PARD3: variants seen among roughly 807,000 people sequenced by gnomAD.
PARD3 encodes par-3 family cell polarity regulator, also known as partitioning defective 3 homolog.
A neutral mutation model predicts 155.4 loss-of-function variants in PARD3; 75 were observed. That is an observed-to-expected ratio of 0.48 (90% CI 0.40 to 0.58). The LOEUF is 0.58. PARD3 is among the 20% of genes least tolerant of loss of function. PARD3 has a pLI of 0.00. For synonymous variants in PARD3, 576 were observed against 610.5 expected (o/e 0.94, Z 0.83); for missense variants, 1,642 against 1,721.7 (o/e 0.95, Z 0.82).
At chr10:34,275,246 T>A (rs956734419) in intron 21 of PARD3, among the ~76,000 whole-genome samples, 1 of 152,188 alleles carries the variant, frequency 6.6e-6, no homozygotes, top group Non-Finnish European at 1.5e-5. Flanking sequence ...CCAATAATGT[T>A]GTCCCCAAAG....
intron 2 of PARD3, among the ~76,000 whole-genome samples, chr10:34,688,742 T>C (rs1374216935): frequency 2.0e-5 from 3 of 152,212 alleles, no homozygotes; most frequent in Non-Finnish European, 2.9e-5. Context: ...TCCTCAGTGC[T>C]GTGCCCTGAA....
chr10:34,162,117 C>A (rs201901034), intron 22 of PARD3, among the ~76,000 whole-genome samples: 1 of 152,252 alleles, frequency 6.6e-6, no homozygotes, highest in Non-Finnish European at 1.5e-5. Flanking sequence ...GACCCACCCC[C>A]CAAGTATTTA....
chr10:34,778,149 A>C (rs60443055), intron 1 of PARD3, among the ~76,000 whole-genome samples: 1 of 152,216 alleles, frequency 6.6e-6, no homozygotes, highest in Non-Finnish European at 1.5e-5. Flanking sequence ...ACTCTAAATC[A>C]GCTCTAAATC....
chr10:34,305,087 G>C (rs898514060), intron 20 of PARD3, among the ~76,000 whole-genome samples: 18 of 152,168 alleles, frequency 1.2e-4, no homozygotes, highest in Admixed American at 3.9e-4. Flanking sequence ...TGTATGAGCA[G>C]AGACTGTAAA....
chr10:34,701,043 A>G (rs562580100), intron 1 of PARD3, among the ~76,000 whole-genome samples: 174 of 152,174 alleles, frequency 1.1e-3, no homozygotes, highest in Non-Finnish European at 2.2e-3. Flanking sequence ...TGTTCAAAGA[A>G]AACTACACCA....
At chr10:34,785,397 A>G (rs912699225) in intron 1 of PARD3, among the ~76,000 whole-genome samples, 2 of 152,242 alleles carry the variant, frequency 1.3e-5, no homozygotes, top group African/African-American at 4.8e-5. Context: ...CTCTTGAAGT[A>G]CAGAATAATC....
intron 14 of PARD3, among the ~76,000 whole-genome samples, chr10:34,353,447 G>A (rs1333251677): frequency 6.6e-6 from 1 of 152,172 alleles, no homozygotes; most frequent in Admixed American, 6.5e-5. Flanking sequence ...AACATGTGCT[G>A]TGTCCACTCA....
At chr10:34,469,943 A>G in intron 4 of PARD3, 142 bp downstream of exon 4, 1 of 571,986 alleles carries the variant, frequency 1.7e-6, no homozygotes, top group South Asian at 3.4e-5. Context: ...GAACTTTGAT[A>G]TGAAAGTTGG....
intron 2 of PARD3, among the ~76,000 whole-genome samples, chr10:34,566,884 A>C (rs1219691174): frequency 6.6e-6 from 1 of 152,180 alleles, no homozygotes; most frequent in Non-Finnish European, 1.5e-5. Flanking sequence ...TATTATTAAC[A>C]CTCTTTTTTT....
intron 2 of PARD3, among the ~76,000 whole-genome samples, chr10:34,684,071 A>G (rs1186668936): frequency 6.6e-6 from 1 of 152,230 alleles, no homozygotes; most frequent in Non-Finnish European, 1.5e-5. Flanking sequence ...CAGGTTATCA[A>G]AATCTTTAAA....
chr10:34,261,709 G>GAAGA (rs1298756596), intron 22 of PARD3, among the ~76,000 whole-genome samples: 2,008 of 29,312 alleles, frequency 0.069, 188 homozygotes, highest in African/African-American at 0.2. Context: ...AGGAAGAAAG[G>GAAGA]AAGGAAGAAA....
At chr10:34,786,032 G>A (rs1019580552) in intron 1 of PARD3, among the ~76,000 whole-genome samples, 2 of 148,926 alleles carry the variant, frequency 1.3e-5, no homozygotes, top group East Asian at 2.0e-4. Flanking sequence ...CCCACCCTGC[G>A]CATCTTCCTC....
chr10:34,486,668 G>A (rs1033320367), intron 3 of PARD3, among the ~76,000 whole-genome samples: 1 of 152,182 alleles, frequency 6.6e-6, no homozygotes, highest in Admixed American at 6.5e-5. Context: ...GATGTGCACA[G>A]AAACCACCTA....
At chr10:34,505,249 C>T (rs149188335) in intron 3 of PARD3, among the ~76,000 whole-genome samples, 7 of 152,234 alleles carry the variant, frequency 4.6e-5, no homozygotes, top group East Asian at 3.9e-4. Flanking sequence ...TTTCTGCTTC[C>T]GATAAACAGG....
intron 22 of PARD3, among the ~76,000 whole-genome samples, chr10:34,240,455 G>C (rs1050720185): frequency 6.6e-6 from 1 of 152,046 alleles, no homozygotes; most frequent in African/African-American, 2.4e-5. Flanking sequence ...TTCATATTCA[G>C]ATAATTTTAA....
At chr10:34,453,248 C>A (rs1414091732) in intron 4 of PARD3, among the ~76,000 whole-genome samples, 2 of 152,164 alleles carry the variant, frequency 1.3e-5, no homozygotes, top group Non-Finnish European at 2.9e-5. Flanking sequence ...TCTTCAAAGC[C>A]CAGTTCAAAC....
chr10:34,175,599 C>T (rs1405521921), intron 22 of PARD3, among the ~76,000 whole-genome samples: 1 of 152,000 alleles, frequency 6.6e-6, no homozygotes, highest in Admixed American at 6.5e-5. Flanking sequence ...GAAAAATATT[C>T]CTTAGGCAAG....
chr10:34,397,169 T>C (rs1843425003), intron 7 of PARD3, among the ~76,000 whole-genome samples: 1 of 152,210 alleles, frequency 6.6e-6, no homozygotes, highest in Admixed American at 6.5e-5. Flanking sequence ...CGAGCATTTC[T>C]GAGAATGAGG....
intron 1 of PARD3, 28 bp downstream of exon 1, chr10:34,814,848 C>CCCA: frequency 1.4e-6 from 2 of 1,410,114 alleles, no homozygotes; most frequent in Non-Finnish European, 1.9e-6. Flanking sequence ...CCGCCGCCCC[C>CCCA]TCCCCGCCCG....
Sources: gnomAD v4.1 joint callset for allele counts (sites outside exome capture counted in the v4.1 genomes callset) on GRCh38, gnomAD v4.1.1 for gene constraint, MANE v1.5 for transcripts, NCBI Gene and HGNC (gene_info 2026-07-23, HGNC 2026-07-21) for gene names.